GSG1L: variants seen among roughly 807,000 people sequenced by gnomAD.
GSG1L encodes GSG1 like.
In GSG1L, 24 loss-of-function variants were observed where a neutral mutation model predicts 42.1. The observed-to-expected ratio is 0.57, with a 90% confidence interval of 0.41 to 0.80. GSG1L has a LOEUF of 0.80. Ranked by LOEUF, GSG1L falls within the 30% of genes least tolerant of loss-of-function variation. The probability of loss-of-function intolerance (pLI) is 0.00; values close to 1 mark genes in which losing one functional copy is unlikely to be tolerated. For synonymous variants in GSG1L, 215 were observed against 203.5 expected (o/e 1.06, Z -0.48); for missense variants, 445 against 472.2 (o/e 0.94, Z 0.53).
At position 28,022,229 on chromosome 16, in the gene GSG1L, T is replaced by G. The variant is rs148118259; in HGVS notation, c.349+40847A>C. ...GAGGGGAGTTGCTGGGTGGTGGCAA[T>G]ATTTTATTTTTGACCTCAGAGGTGA... On this transcript the variant is annotated intron_variant, in intron 1 of 6. Coordinates refer to ENST00000447459, the MANE Select transcript of GSG1L (RefSeq NM_001109763.2). Among the ~76,000 whole-genome samples, 66 of 152,230 alleles carry G rather than the reference T, an allele frequency of 4.3e-4. No individual in the cohort carries two copies. The East Asian group carries it at 6.9e-3, about 16-fold the overall frequency.
At chr16:27,876,116 G>A (rs2083883829) in intron 3 of GSG1L, among the ~76,000 whole-genome samples, 1 of 152,074 alleles carries the variant, frequency 6.6e-6, no homozygotes, top group Non-Finnish European at 1.5e-5. Flanking sequence ...TTCTGACTTA[G>A]ACCCTCTGCA....
intron 1 of GSG1L, among the ~76,000 whole-genome samples, chr16:28,035,431 A>T (rs1307420690): frequency 3.9e-5 from 6 of 152,186 alleles, no homozygotes; most frequent in Admixed American, 3.3e-4. Context: ...TTTCAGTAGC[A>T]TGACTTAGTG....
At chr16:27,899,285 CT>C (rs2084228700) in intron 2 of GSG1L, among the ~76,000 whole-genome samples, 1 of 152,342 alleles carries the variant, frequency 6.6e-6, no homozygotes, top group African/African-American at 2.4e-5. Flanking sequence ...AGGGCACGGC[CT>C]GGGGAGCCAG....
At chr16:27,924,084 T>C (rs529366281) in intron 2 of GSG1L, among the ~76,000 whole-genome samples, 1 of 152,142 alleles carries the variant, frequency 6.6e-6, no homozygotes, top group South Asian at 2.1e-4. Flanking sequence ...ATAAATGTAA[T>C]ATTTATATTT....
intron 1 of GSG1L, among the ~76,000 whole-genome samples, chr16:27,980,372 C>A (rs985104824): frequency 1.3e-5 from 2 of 152,136 alleles, no homozygotes; most frequent in African/African-American, 4.8e-5. Flanking sequence ...GTTGCTGAGG[C>A]TTCCATGGAG....
chr16:27,844,464 G>T (rs893950461), intron 4 of GSG1L, among the ~76,000 whole-genome samples: 6 of 152,028 alleles, frequency 3.9e-5, no homozygotes, highest in Non-Finnish European at 7.4e-5. Flanking sequence ...ACGCCTCTTA[G>T]GCAGGGGTCG....
chr16:28,034,712 C>T (rs748165845), intron 1 of GSG1L, among the ~76,000 whole-genome samples: 6 of 152,254 alleles, frequency 3.9e-5, no homozygotes, highest in Admixed American at 2.0e-4. Context: ...AGGGCTGGAT[C>T]ATTTCCTAGT....
intron 2 of GSG1L, among the ~76,000 whole-genome samples, chr16:27,925,468 G>T (rs1382259405): frequency 6.6e-6 from 1 of 152,182 alleles, no homozygotes; most frequent in African/African-American, 2.4e-5. Flanking sequence ...CTGAGAAAGA[G>T]TCTTGACCCA....
At position 27,890,941 on chromosome 16, in the gene GSG1L, C is replaced by T. The variant is rs564525844; in HGVS notation, c.398-6303G>A. On this transcript the variant is annotated intron_variant, in intron 2 of 6. Transcript: ENST00000447459. ...GCTGTGGAAGTGCGGCAGACACAGC[C>T]GGTGCGGTGCTCCCAGCCTGCCCAC... 3.5e-4 allele frequency among the ~76,000 whole-genome samples: 54 copies of T among 152,276 alleles called. No individual in the cohort carries two copies. In the South Asian group the frequency reaches 8.5e-3, roughly 24 times the overall value.
intron 3 of GSG1L, among the ~76,000 whole-genome samples, chr16:27,858,093 T>C (rs1596561140): frequency 6.6e-6 from 1 of 152,206 alleles, no homozygotes; most frequent in African/African-American, 2.4e-5. Flanking sequence ...CTCTTCTGGC[T>C]AGTTAAGTTT....
chr16:27,869,190 C>T (rs562699654), intron 3 of GSG1L, among the ~76,000 whole-genome samples: 3 of 147,386 alleles, frequency 2.0e-5, no homozygotes, highest in Non-Finnish European at 2.9e-5. Context: ...CTTCCTTGGA[C>T]GGGTAAGAAA....
At chr16:27,948,899 G>A (rs1015565929) in intron 2 of GSG1L, among the ~76,000 whole-genome samples, 1 of 80,240 alleles carries the variant, frequency 1.2e-5, no homozygotes, top group South Asian at 3.7e-4. Context: ...GTGAACCACC[G>A]CACCTGATCT....
chr16:27,819,907 C>A (rs2083133748), intron 5 of GSG1L, among the ~76,000 whole-genome samples: 1 of 152,086 alleles, frequency 6.6e-6, no homozygotes, highest in South Asian at 2.1e-4. Context: ...TTGCTGGATT[C>A]ACCCAGGTAA....
At chr16:27,932,286 C>T (rs1432647863) in intron 2 of GSG1L, among the ~76,000 whole-genome samples, 2 of 152,154 alleles carry the variant, frequency 1.3e-5, no homozygotes, top group African/African-American at 4.8e-5. Context: ...CTCCTGACCT[C>T]AAGTGATTCA....
At chr16:27,947,211 C>T (rs1310650343) in intron 2 of GSG1L, among the ~76,000 whole-genome samples, 3 of 152,026 alleles carry the variant, frequency 2.0e-5, no homozygotes, top group Non-Finnish European at 4.4e-5. Flanking sequence ...ACTGCAGTCT[C>T]GACCTCCCTG....
At position 27,873,631 on chromosome 16, in the gene GSG1L, C is replaced by T. The variant is rs561636055; in HGVS notation, c.550+10855G>A. On this transcript the variant is annotated intron_variant, in intron 3 of 6. Transcript: ENST00000447459. ...AGCAAAGGCAGAAGGGAGAAAACAT[C>T]GCAAAATTCTGAAGATAAATCTTCT... is the stretch of plus-strand genomic sequence containing the variant. Among the ~76,000 whole-genome samples the T allele has an allele frequency of 6.0e-4, 91 of 152,290 alleles. 1 individual carries two copies. Among genetic ancestry groups the T allele is most frequent in the African/African-American group, 1.5e-3 (64 of 41,574 alleles).
intron 1 of GSG1L, among the ~76,000 whole-genome samples, chr16:28,028,938 G>A (rs1054615519): frequency 6.6e-6 from 1 of 152,246 alleles, no homozygotes; most frequent in African/African-American, 2.4e-5. Flanking sequence ...CCAATAGCCA[G>A]CTAGGCTCTC....
intron 4 of GSG1L, among the ~76,000 whole-genome samples, chr16:27,839,974 G>A (rs1709794): frequency 0.38 from 57,456 of 151,764 alleles, 11,239 homozygotes; most frequent in African/African-American, 0.45. Flanking sequence ...CAGGCAACTC[G>A]GGGCTTGTAA....
At chr16:27,851,877 C>T (rs566183294) in intron 3 of GSG1L, among the ~76,000 whole-genome samples, 5 of 152,274 alleles carry the variant, frequency 3.3e-5, no homozygotes, top group South Asian at 4.1e-4. Context: ...CAGGTTCCTG[C>T]GCCTCCCTCG....
Sources: gnomAD v4.1 joint callset for allele counts (sites outside exome capture counted in the v4.1 genomes callset) on GRCh38, gnomAD v4.1.1 for gene constraint, MANE v1.5 for transcripts, NCBI Gene and HGNC (gene_info 2026-07-23, HGNC 2026-07-21) for gene names.